DDAH1: variants seen among roughly 807,000 people sequenced by gnomAD.
DDAH1 encodes the protein N(G),N(G)-dimethylarginine dimethylaminohydrolase 1.
A neutral mutation model predicts 28.8 loss-of-function variants in DDAH1; 19 were observed. The observed-to-expected ratio is 0.66, with a 90% CI of 0.46 to 0.97. The LOEUF (loss-of-function observed/expected upper bound fraction) is 0.97. Ranked by LOEUF, DDAH1 falls within the 50% of genes least tolerant of loss-of-function variation. The pLI, the probability that DDAH1 is intolerant of heterozygous loss-of-function variation, is 0.00. For synonymous variants in DDAH1, 153 were observed against 154.4 expected, an observed-to-expected ratio of 0.99 and a Z score of 0.07; for missense variants, 326 against 375.9, an observed-to-expected ratio of 0.87 and a Z score of 1.10.
At chr1:85,442,417 C>T (rs919287831) in intron 1 of DDAH1, among the ~76,000 whole-genome samples, 1 of 152,184 alleles carries the variant, frequency 6.6e-6, no homozygotes, top group Admixed American at 6.5e-5. Context: ...TTTTCTTAAT[C>T]CAGTCTATCG....
chr1:85,400,741 C>T (rs1652062141), intron 1 of DDAH1, among the ~76,000 whole-genome samples: 2 of 152,108 alleles, frequency 1.3e-5, no homozygotes, highest in Admixed American at 1.3e-4. Flanking sequence ...CTAAAATACC[C>T]ACCAGGTTCA....
intron 1 of DDAH1, among the ~76,000 whole-genome samples, chr1:85,409,652 C>T (rs954079801): frequency 2.0e-5 from 3 of 152,248 alleles, no homozygotes; most frequent in Non-Finnish European, 2.9e-5. Context: ...TAAAGGGCTA[C>T]CTGACTTCCA....
At position 85,464,554 on chromosome 1, in the gene DDAH1, G is replaced by A. The variant is rs996986087; in HGVS notation, c.303+189C>T. On this transcript the variant is annotated intron_variant, in intron 1 of 5. Transcript: ENST00000284031. This position sits in a 1 kb window ranked among gnomAD's most constrained non-coding sequence, Gnocchi z 4.4. The stretch of plus-strand genomic sequence containing the variant: ...TCCTCCAGAAGGCTGCCGGCAGCCG[G>A]GAGGTGTGAACAATGAACTTCTCTC... 2.0e-6 allele frequency: 3 copies of A among 1,530,088 alleles called. No individual in the cohort carries two copies. The highest frequency in any genetic ancestry group is 2.6e-6 in the Non-Finnish European group (3 of 1,143,942). 94.8% of individuals were successfully genotyped at this position (1,530,088 alleles called of 1,614,324 possible).
intron 5 of DDAH1, among the ~76,000 whole-genome samples, chr1:85,323,037 G>C (rs1231933288): frequency 6.6e-6 from 1 of 152,130 alleles, no homozygotes; most frequent in Non-Finnish European, 1.5e-5. Context: ...GTAAGCCCCA[G>C]TTCTGGGTCA....
intron 1 of DDAH1, among the ~76,000 whole-genome samples, chr1:85,548,230 A>G (rs1033180037): frequency 2.6e-5 from 4 of 152,250 alleles, no homozygotes; most frequent in African/African-American, 4.8e-5. Context: ...AGTGGCTAAC[A>G]TTATTGAACA....
In DDAH1 at chr1:85,436,480, G is replaced by T. The variant is rs1026987632; in HGVS notation, c.303+28263C>A. On this transcript the variant is annotated intron_variant, in intron 1 of 5. Coordinates refer to ENST00000284031, the MANE Select transcript of DDAH1 (RefSeq NM_012137.4). ...TGTTGCATATCATTAATACGAATGT[G>T]TTAGAAGAGATGAGAAAGCATGTAC... Among the ~76,000 whole-genome samples, 11 of 152,298 alleles carry T rather than the reference G, an allele frequency of 7.2e-5. No individual in the cohort carries two copies. In the East Asian group the frequency reaches 2.1e-3, roughly 29 times the overall value.
At chr1:85,452,730 A>C (rs12049582) in intron 1 of DDAH1, among the ~76,000 whole-genome samples, 2,564 of 152,322 alleles carry the variant, frequency 0.017, 72 homozygotes, top group East Asian at 0.12. Context: ...TCTCCTCCAC[A>C]GATAGCACCA....
chr1:85,388,157 C>G (rs1454131736), intron 1 of DDAH1, among the ~76,000 whole-genome samples: 1 of 152,154 alleles, frequency 6.6e-6, no homozygotes, highest in Admixed American at 6.6e-5. Context: ...GACAAACATC[C>G]AAACTATATC....
At chr1:85,502,529 G>T (rs1324398139) in intron 1 of DDAH1, among the ~76,000 whole-genome samples, 2 of 152,076 alleles carry the variant, frequency 1.3e-5, no homozygotes, top group African/African-American at 2.4e-5. Flanking sequence ...GCTGTCCCTT[G>T]CTTGTCACTG....
chr1:85,337,483 T>C (rs1648213078), intron 4 of DDAH1, among the ~76,000 whole-genome samples: 2 of 151,704 alleles, frequency 1.3e-5, no homozygotes, highest in African/African-American at 4.9e-5. Flanking sequence ...AGATGTAGTC[T>C]CACTCTGTCA....
chr1:85,511,634 T>A (rs1657237223), intron 1 of DDAH1, among the ~76,000 whole-genome samples: 1 of 151,556 alleles, frequency 6.6e-6, no homozygotes, highest in Non-Finnish European at 1.5e-5. Flanking sequence ...GAGAGAAGAA[T>A]CAATAGATGC....
At chr1:85,343,139 A>T (rs1194397982) in intron 4 of DDAH1, among the ~76,000 whole-genome samples, 2 of 152,180 alleles carry the variant, frequency 1.3e-5, no homozygotes, top group African/African-American at 4.8e-5. Flanking sequence ...GATGAACAGC[A>T]CTTTTAAATA....
rs189241221 is a variant in DDAH1 at position 85,573,214 on chromosome 1, A to G, written c.-123+4770T>C. ...CCCAAGACTTGCAAAAATTTGTCAC[A>G]AATAAATCACTTCAATCTCTCTGTA... is the stretch of plus-strand genomic sequence containing the variant. On this transcript the variant is annotated intron_variant, in intron 1 of 6. Coordinates refer to the DDAH1 transcript ENST00000426972. Among the ~76,000 whole-genome samples the G allele has an allele frequency of 3.1e-3, 476 of 152,326 alleles. 3 individuals are homozygous for G. Among genetic ancestry groups the G allele is most frequent in the African/African-American group, 0.011 (459 of 41,566 alleles).
chr1:85,521,456 A>G (rs559122120), intron 1 of DDAH1, among the ~76,000 whole-genome samples: 13 of 151,886 alleles, frequency 8.6e-5, no homozygotes, highest in Admixed American at 4.6e-4. Context: ...GTGTGAACTC[A>G]TGCTGTCTTT....
At chr1:85,487,821 T>A (rs1214374867) in intron 2 of DDAH1, among the ~76,000 whole-genome samples, 1 of 152,174 alleles carries the variant, frequency 6.6e-6, no homozygotes, top group Non-Finnish European at 1.5e-5. Flanking sequence ...CTTCTTTTTT[T>A]AACTCCCATT....
At chr1:85,489,960 A>G (rs1656332594) in intron 2 of DDAH1, among the ~76,000 whole-genome samples, 1 of 152,198 alleles carries the variant, frequency 6.6e-6, no homozygotes. Flanking sequence ...CCATATTTAT[A>G]TTCTACTTCA....
intron 1 of DDAH1, among the ~76,000 whole-genome samples, chr1:85,554,275 A>AGTT (rs1658893737): frequency 1.4e-5 from 1 of 74,060 alleles, no homozygotes; most frequent in African/African-American, 6.2e-5. Flanking sequence ...AAATTGTAAG[A>AGTT]GTTTTTTTTT....
At chr1:85,481,103 T>TTG (rs1553140291) in intron 2 of DDAH1, among the ~76,000 whole-genome samples, 7 of 146,408 alleles carry the variant, frequency 4.8e-5, no homozygotes, top group African/African-American at 1.3e-4. Context: ...TTTTTGTTTT[T>TTG]TTTTTTTTTT....
chr1:85,503,421 G>T (rs1275426643), intron 1 of DDAH1, among the ~76,000 whole-genome samples: 3 of 152,194 alleles, frequency 2.0e-5, no homozygotes, highest in Non-Finnish European at 4.4e-5. Flanking sequence ...GGCTGGTCTC[G>T]AACTCCTGAC....
Sources: gnomAD v4.1 joint callset for allele counts (sites outside exome capture counted in the v4.1 genomes callset) on GRCh38, gnomAD v4.1.1 for gene constraint, Gnocchi (gnomAD v3.1) non-coding constraint, MANE v1.5 for transcripts, NCBI Gene and HGNC (gene_info 2026-07-23, HGNC 2026-07-21) for gene names.